PPP1R12A: variants seen among roughly 807,000 people sequenced by gnomAD.
PPP1R12A encodes myosin binding subunit.
In PPP1R12A, 19 loss-of-function variants were observed where a neutral mutation model predicts 139.6. That is an observed-to-expected ratio of 0.14 (90% CI 0.09 to 0.20). The LOEUF (loss-of-function observed/expected upper bound fraction) is 0.20, where lower values mean the gene tolerates loss of function less well. Among genes scored for constraint, PPP1R12A ranks in the 10% least tolerant of loss-of-function variants. The probability of loss-of-function intolerance (pLI) is 1.00; values close to 1 mark genes in which losing one functional copy is unlikely to be tolerated. For synonymous variants in PPP1R12A, 427 were observed against 420.6 expected (o/e 1.02, Z -0.19); for missense variants, 925 against 1,211.5 (o/e 0.76, Z 3.51).
chr12:79,810,646 A>T (rs1175498910), intron 9 of PPP1R12A, among the ~76,000 whole-genome samples: 1 of 152,228 alleles, frequency 6.6e-6, no homozygotes, highest in Non-Finnish European at 1.5e-5. Context: ...TTGGGTAATG[A>T]TCCAATCTTT....
At chr12:79,835,165 TTGGATA>T (rs929694652) in intron 3 of PPP1R12A, among the ~76,000 whole-genome samples, 3 of 152,122 alleles carry the variant, frequency 2.0e-5, no homozygotes, top group Non-Finnish European at 4.4e-5. Flanking sequence ...CCTCCTGCTT[TTGGATA>T]TCAGACTACA....
upstream of PPP1R12A, chr12:79,935,219 C>A (rs1017795200): frequency 1.3e-5 from 17 of 1,276,414 alleles, no homozygotes; most frequent in African/African-American, 4.6e-5. Flanking sequence ...GACTGGGAGG[C>A]GCCCTTCGAC....
intron 1 of PPP1R12A, among the ~76,000 whole-genome samples, chr12:79,895,889 T>C (rs559107636): frequency 1.4e-4 from 21 of 152,208 alleles, no homozygotes; most frequent in African/African-American, 3.9e-4. Flanking sequence ...ATACAGCAAA[T>C]GCTGTATTTT....
intron 1 of PPP1R12A, among the ~76,000 whole-genome samples, chr12:79,874,133 AGGCAT>A (rs1359149686): frequency 6.6e-6 from 1 of 151,956 alleles, no homozygotes; most frequent in Admixed American, 6.6e-5. Flanking sequence ...AAAATTAGCC[AGGCAT>A]GGTGGAGCAC....
At chr12:79,895,561 T>A (rs1885057134) in intron 1 of PPP1R12A, among the ~76,000 whole-genome samples, 1 of 152,298 alleles carries the variant, frequency 6.6e-6, no homozygotes, top group Non-Finnish European at 1.5e-5. Flanking sequence ...AATAGTTATG[T>A]CTGATCCAAA....
chr12:79,920,541 C>T (rs1565817553), intron 1 of PPP1R12A, among the ~76,000 whole-genome samples: 1 of 152,202 alleles, frequency 6.6e-6, no homozygotes, highest in Non-Finnish European at 1.5e-5. Flanking sequence ...AAAACTCATG[C>T]TGAAACCTGA....
chr12:79,819,158 T>C (rs1335378266), intron 8 of PPP1R12A: 1 of 152,212 alleles, frequency 6.6e-6, no homozygotes, highest in Non-Finnish European at 1.5e-5. Flanking sequence ...GAGCAATTAG[T>C]ACGTTTCAAT....
intron 1 of PPP1R12A, 33 bp downstream of exon 1, chr12:79,934,662 C>G (rs751069154): frequency 3.4e-6 from 5 of 1,491,188 alleles, no homozygotes; most frequent in African/African-American, 1.4e-5. Context: ...AGAACCCTCA[C>G]GGTCAGGAGA....
chr12:79,822,548 A>AC (rs1876248580), intron 5 of PPP1R12A, among the ~76,000 whole-genome samples: 2 of 152,194 alleles, frequency 1.3e-5, no homozygotes, highest in South Asian at 4.1e-4. Context: ...AGAAGTAGGA[A>AC]CATACCCTTT....
chr12:79,833,303 A>G (rs1231373556), intron 3 of PPP1R12A, among the ~76,000 whole-genome samples: 1 of 152,086 alleles, frequency 6.6e-6, no homozygotes, highest in East Asian at 1.9e-4. Flanking sequence ...AAAAATGAAT[A>G]GGACCCTCTA....
rs34658905 is a variant in PPP1R12A, at chr12:79,826,337, G to GTTT, written c.792+1980_792+1982dup. Among the ~76,000 whole-genome samples the GTTT allele has an allele frequency of 4.0e-4, 47 of 117,166 alleles. 1 individual carries two copies. Among genetic ancestry groups the GTTT allele is most frequent in the South Asian group, 6.1e-4 (2 of 3,300 alleles). The allele number at this position is 117,166 out of a possible 152,430, so 76.9% of individuals were successfully genotyped here. The stretch of plus-strand genomic sequence containing the variant: ...TAAATATGAGGCACAATTGTTTCGG[G>GTTT]TTTTTTTTTTTTTTTTTTTTTTGAG... On this transcript the variant is annotated intron_variant, in intron 5 of 24. Coordinates refer to ENST00000450142, the MANE Select transcript of PPP1R12A (RefSeq NM_002480.3).
chr12:79,912,516 A>AC (rs1474670393), intron 1 of PPP1R12A, among the ~76,000 whole-genome samples: 12 of 151,934 alleles, frequency 7.9e-5, no homozygotes, highest in Admixed American at 7.2e-4. Flanking sequence ...ACATAGCGAG[A>AC]CCCCCAACTA....
chr12:79,822,433 T>C (rs532013102), intron 5 of PPP1R12A, among the ~76,000 whole-genome samples: 10 of 152,326 alleles, frequency 6.6e-5, no homozygotes, highest in Admixed American at 2.6e-4. Context: ...ATAATTCATA[T>C]ACCATACAAA....
chr12:79,804,497 T>C (rs937796206), intron 14 of PPP1R12A, among the ~76,000 whole-genome samples: 1 of 152,124 alleles, frequency 6.6e-6, no homozygotes, highest in Non-Finnish European at 1.5e-5. Flanking sequence ...CACTAACTTA[T>C]TACTTTTCAT....
intron 19 of PPP1R12A, among the ~76,000 whole-genome samples, chr12:79,790,769 G>A (rs2137005896): frequency 6.6e-6 from 1 of 152,258 alleles, no homozygotes; most frequent in East Asian, 1.9e-4. Flanking sequence ...ATCGTGAAAT[G>A]ATTAATAAGG....
chr12:79,789,072 G>A (rs1250760171), intron 20 of PPP1R12A, among the ~76,000 whole-genome samples: 3 of 152,096 alleles, frequency 2.0e-5, no homozygotes, highest in Non-Finnish European at 4.4e-5. Context: ...GGGTTGCTGG[G>A]ACTACAGGCA....
In PPP1R12A at chr12:79,798,523, G is replaced by T; in HGVS notation, c.2062C>A (p.Gln688Lys). The T allele has an allele frequency of 6.4e-7, 1 of 1,566,098 alleles. No individual in the cohort carries two copies. Reference protein sequence around the residue: ...SESQRKARSRQARQSRRSTQG... With the variant: ...SESQRKARSRKARQSRRSTQG... ...GTTGATCTTCTAGATTGTCTTGCTT[G>T]TCTAGATCTTGCTTTTCTTTGGGAT... The change falls in exon 15 of 25, where the codon CAA (glutamine) becomes AAA (lysine). Residue 688 changes from glutamine (Q) to lysine (K), a missense_variant. Around this residue, in one of 4 missense-constraint regions of PPP1R12A, gnomAD observed 8 missense variants for 32.0 expected, o/e 0.25. Transcript: ENST00000450142.
chr12:79,867,470 CAAATA>C (rs1330978989), intron 2 of PPP1R12A, among the ~76,000 whole-genome samples: 8 of 150,504 alleles, frequency 5.3e-5, no homozygotes, highest in African/African-American at 1.5e-4. Flanking sequence ...AAGTATAATA[CAAATA>C]AAATAAAATA....
chr12:79,835,124 T>C (rs1877911513), intron 3 of PPP1R12A, among the ~76,000 whole-genome samples: 1 of 152,070 alleles, frequency 6.6e-6, no homozygotes, highest in Non-Finnish European at 1.5e-5. Context: ...TTCTGCTTGC[T>C]CTCTCCCTTC....
Sources: gnomAD v4.1 joint callset for allele counts (sites outside exome capture counted in the v4.1 genomes callset) on GRCh38, gnomAD v4.1.1 for gene constraint, gnomAD v4.1.1 regional missense constraint, MANE v1.5 for transcripts, NCBI Gene and HGNC (gene_info 2026-07-23, HGNC 2026-07-21) for gene names.